RIPOR2: variants seen among roughly 807,000 people sequenced by gnomAD.
RIPOR2 encodes the protein RHO family interacting cell polarization regulator 2, also known as rho family-interacting cell polarization regulator 2.
In RIPOR2, 39 loss-of-function variants were observed where a neutral mutation model predicts 114.5. The observed-to-expected ratio is 0.34, with a 90% confidence interval of 0.26 to 0.44. The LOEUF is 0.44. Ranked by LOEUF, RIPOR2 falls within the 20% of genes least tolerant of loss-of-function variation. The probability of loss-of-function intolerance (pLI) is 1.00; values close to 1 mark genes in which losing one functional copy is unlikely to be tolerated. For synonymous variants in RIPOR2, 445 were observed against 484.4 expected (o/e 0.92, Z 1.07); for missense variants, 1,007 against 1,255.1 (o/e 0.80, Z 2.99).
chr6:24,927,183 G>GTTACCACCACCATCACCACC (rs1561782630), intron 1 of RIPOR2, among the ~76,000 whole-genome samples: 2,530 of 3,724 alleles, frequency 0.68, 1,190 homozygotes, highest in East Asian at 0.83. Flanking sequence ...CCACCACCAT[G>GTTACCACCACCATCACCACC]ACCACCACCA....
At chr6:24,835,950 G>T in intron 14 of RIPOR2, 79 bp from the exon 15 acceptor site, 1 of 1,345,142 alleles carries the variant, frequency 7.4e-7, no homozygotes, top group Non-Finnish European at 1.0e-6. Context: ...TTTGCATCGG[G>T]CCCCAACAGC....
chr6:24,957,052 T>G (rs1180874015), intron 1 of RIPOR2, among the ~76,000 whole-genome samples: 4 of 152,262 alleles, frequency 2.6e-5, no homozygotes, highest in Non-Finnish European at 5.9e-5. Context: ...TTATTTCATC[T>G]ATTATCCACC....
At chr6:24,925,518 A>C (rs1020156788) in intron 1 of RIPOR2, among the ~76,000 whole-genome samples, 1 of 152,276 alleles carries the variant, frequency 6.6e-6, no homozygotes, top group East Asian at 1.9e-4. Flanking sequence ...CCTGGCTAAC[A>C]TGGTGAAACC....
intron 1 of RIPOR2, among the ~76,000 whole-genome samples, chr6:24,923,426 A>AT (rs1561778316): frequency 6.6e-6 from 1 of 151,908 alleles, no homozygotes; most frequent in African/African-American, 2.4e-5. Context: ...TCTATTTTTA[A>AT]TTTTTTTTAG....
chr6:24,863,286 G>T (rs73398445), intron 7 of RIPOR2, among the ~76,000 whole-genome samples: 1 of 152,086 alleles, frequency 6.6e-6, no homozygotes, highest in Non-Finnish European at 1.5e-5. Flanking sequence ...ACCAAATGAG[G>T]TATGAGGCTA....
chr6:25,022,023 G>A (rs1003496609), intron 1 of RIPOR2, among the ~76,000 whole-genome samples: 6 of 152,114 alleles, frequency 3.9e-5, no homozygotes, highest in African/African-American at 9.7e-5. Context: ...AAAAAAAATG[G>A]TCTGTAATTA....
At chr6:24,976,529 C>A in intron 1 of RIPOR2, 1 of 1,589,870 alleles carries the variant, frequency 6.3e-7, no homozygotes, top group Non-Finnish European at 8.6e-7. Flanking sequence ...TCATCTAATC[C>A]ATAAAGCTAT....
intron 1 of RIPOR2, among the ~76,000 whole-genome samples, chr6:24,974,888 C>T (rs1329976034): frequency 6.6e-6 from 1 of 152,010 alleles, no homozygotes; most frequent in Non-Finnish European, 1.5e-5. Context: ...AGAAGCCAGT[C>T]ACAAAAAACT....
chr6:24,857,534 AG>A (rs1763595147), intron 8 of RIPOR2, among the ~76,000 whole-genome samples: 1 of 152,284 alleles, frequency 6.6e-6, no homozygotes, highest in African/African-American at 2.4e-5. Flanking sequence ...TTCTGCCAGA[AG>A]AACGCTCTAC....
At chr6:25,022,762 T>C (rs1316748665) in intron 1 of RIPOR2, among the ~76,000 whole-genome samples, 3 of 151,800 alleles carry the variant, frequency 2.0e-5, no homozygotes, top group African/African-American at 7.3e-5. Flanking sequence ...TCCAGGCTGG[T>C]CTTGAACTCA....
At chr6:24,998,634 A>G (rs1298849632) in intron 1 of RIPOR2, among the ~76,000 whole-genome samples, 1 of 152,200 alleles carries the variant, frequency 6.6e-6, no homozygotes, top group Non-Finnish European at 1.5e-5. Flanking sequence ...CATTTTTCAC[A>G]TGATTTTTTA....
intron 1 of RIPOR2, among the ~76,000 whole-genome samples, chr6:25,017,711 T>G (rs774934719): frequency 6.6e-6 from 1 of 152,240 alleles, no homozygotes; most frequent in Non-Finnish European, 1.5e-5. Flanking sequence ...TCTTGTATTT[T>G]GACCCAGGAG....
intron 1 of RIPOR2, among the ~76,000 whole-genome samples, chr6:25,029,399 C>CGTTTGCGGA (rs2113745602): frequency 8.9e-6 from 1 of 112,980 alleles, no homozygotes; most frequent in Admixed American, 1.1e-4. Flanking sequence ...AGCGAGACTC[C>CGTTTGCGGA]GTCTCAAAAA....
At chr6:24,860,226 G>A (rs1202704554) in intron 8 of RIPOR2, among the ~76,000 whole-genome samples, 1 of 152,092 alleles carries the variant, frequency 6.6e-6, no homozygotes, top group Non-Finnish European at 1.5e-5. Context: ...AACATGAGGA[G>A]CTAAAGGAAG....
intron 7 of RIPOR2, 135 bp from the exon 8 acceptor site, chr6:24,861,171 C>G (rs998331873): frequency 3.4e-6 from 2 of 589,228 alleles, no homozygotes; most frequent in African/African-American, 3.8e-5. Flanking sequence ...CACAGCACAG[C>G]CTAAGAAACA....
At chr6:24,856,307 GA>G (rs947602879) in intron 8 of RIPOR2, among the ~76,000 whole-genome samples, 6 of 152,058 alleles carry the variant, frequency 3.9e-5, no homozygotes, top group African/African-American at 1.2e-4. Context: ...AATAAGAGCA[GA>G]ATTAAAGAAG....
intron 1 of RIPOR2, among the ~76,000 whole-genome samples, chr6:24,926,058 T>C (rs143158574): frequency 2.0e-5 from 3 of 152,322 alleles, no homozygotes; most frequent in East Asian, 3.9e-4. Flanking sequence ...AGAGGGAACA[T>C]TGTAGAGGCT....
intron 1 of RIPOR2, among the ~76,000 whole-genome samples, chr6:25,002,740 C>A (rs955845466): frequency 6.6e-6 from 1 of 152,160 alleles, no homozygotes; most frequent in Non-Finnish European, 1.5e-5. Flanking sequence ...CCACCTGGCA[C>A]GGTGTCAATC....
intron 6 of RIPOR2, among the ~76,000 whole-genome samples, chr6:24,866,173 A>G (rs988505825): frequency 2.6e-5 from 4 of 152,258 alleles, no homozygotes; most frequent in Admixed American, 2.6e-4. Flanking sequence ...CTGAACACTT[A>G]AGAACTCAAC....
Sources: allele counts gnomAD v4.1 joint callset (sites outside exome capture counted in the v4.1 genomes callset), GRCh38; gene constraint gnomAD v4.1.1; transcripts MANE v1.5; gene names NCBI Gene and HGNC (gene_info 2026-07-23, HGNC 2026-07-21).